CADPS2: variants seen among roughly 807,000 people sequenced by gnomAD.
The protein encoded by CADPS2 is calcium dependent secretion activator 2.
Under a neutral mutation model 172.5 loss-of-function variants are expected in CADPS2, and 93 were observed. The observed-to-expected ratio is 0.54, with a 90% confidence interval of 0.46 to 0.64. CADPS2 has a LOEUF of 0.64. CADPS2 is among the 30% of genes least tolerant of loss of function. The pLI is 0.00. For missense variants in CADPS2, 1,420 were observed against 1,565.9 expected (o/e 0.91, Z 1.57); for synonymous variants, 546 against 555.2 (o/e 0.98, Z 0.23).
At chr7:122,368,820 T>C (rs1476723654) in intron 25 of CADPS2, among the ~76,000 whole-genome samples, 1 of 152,102 alleles carries the variant, frequency 6.6e-6, no homozygotes. Context: ...GCAGGCTCCA[T>C]GCAGATATGT....
chr7:122,448,367 G>A (rs552025718), intron 15 of CADPS2, among the ~76,000 whole-genome samples: 3 of 152,156 alleles, frequency 2.0e-5, no homozygotes, highest in South Asian at 4.2e-4. Flanking sequence ...ACCTCCACCC[G>A]GTCCCACCCT....
intron 2 of CADPS2, among the ~76,000 whole-genome samples, chr7:122,709,141 A>T (rs1222699613): frequency 6.6e-6 from 1 of 152,068 alleles, no homozygotes; most frequent in Non-Finnish European, 1.5e-5. Context: ...CATTATTAAG[A>T]TCCAAGGATG....
intron 10 of CADPS2, among the ~76,000 whole-genome samples, chr7:122,490,733 G>A (rs2058206397): frequency 6.6e-6 from 1 of 151,910 alleles, no homozygotes; most frequent in Admixed American, 6.6e-5. Flanking sequence ...TGCATTTTAA[G>A]TGAACAATTA....
chr7:122,861,871 G>A (rs1486568203), intron 1 of CADPS2, among the ~76,000 whole-genome samples: 1 of 152,174 alleles, frequency 6.6e-6, no homozygotes. Context: ...CTTTTCATTA[G>A]CAACACTAGA....
chr7:122,813,284 A>T (rs911148544), intron 1 of CADPS2, among the ~76,000 whole-genome samples: 1 of 152,142 alleles, frequency 6.6e-6, no homozygotes, highest in African/African-American at 2.4e-5. Context: ...AAACATACTT[A>T]AAGCAAAATC....
At chr7:122,755,173 T>G (rs2093107573) in intron 1 of CADPS2, among the ~76,000 whole-genome samples, 1 of 152,322 alleles carries the variant, frequency 6.6e-6, no homozygotes, top group Admixed American at 6.5e-5. Flanking sequence ...TATATTCTAA[T>G]GATTCTTTCC....
intron 1 of CADPS2, among the ~76,000 whole-genome samples, chr7:122,819,282 A>G (rs1191803151): frequency 3.3e-5 from 5 of 152,070 alleles, no homozygotes; most frequent in South Asian, 2.1e-4. Context: ...GACCCCACTG[A>G]AAATCGGACT....
intron 1 of CADPS2, among the ~76,000 whole-genome samples, chr7:122,870,434 C>G (rs948666408): frequency 9.2e-5 from 14 of 151,736 alleles, no homozygotes; most frequent in Non-Finnish European, 1.9e-4. Context: ...TGCATAGAAA[C>G]AGAGTAGAAA....
At chr7:122,867,392 T>G (rs1451234056) in intron 1 of CADPS2, among the ~76,000 whole-genome samples, 1 of 152,136 alleles carries the variant, frequency 6.6e-6, no homozygotes, top group African/African-American at 2.4e-5. Flanking sequence ...GGAAATACCC[T>G]TGTCAAAATG....
chr7:122,769,770 G>C (rs907120702), intron 1 of CADPS2, among the ~76,000 whole-genome samples: 2 of 152,176 alleles, frequency 1.3e-5, no homozygotes, highest in Non-Finnish European at 2.9e-5. Context: ...ACACAGGTTT[G>C]AACCTACCAA....
chr7:122,676,861 G>C (rs1377352729), intron 2 of CADPS2: 3 of 504,326 alleles, frequency 5.9e-6, no homozygotes, highest in African/African-American at 2.0e-5. Flanking sequence ...AGGTCACTTT[G>C]TGTGCCCAAA....
At chr7:122,762,551 T>G (rs2093423105) in intron 1 of CADPS2, among the ~76,000 whole-genome samples, 1 of 152,160 alleles carries the variant, frequency 6.6e-6, no homozygotes, top group South Asian at 2.1e-4. Context: ...GCCATTAAAA[T>G]TCGTTACCCA....
At chr7:122,729,229 T>C (rs1282873187) in intron 2 of CADPS2, among the ~76,000 whole-genome samples, 1 of 151,866 alleles carries the variant, frequency 6.6e-6, no homozygotes, top group Non-Finnish European at 1.5e-5. Flanking sequence ...CAGTATTCCA[T>C]TGTGTATATA....
chr7:122,382,997 GAAAACAAAAACA>G (rs1380127564), intron 24 of CADPS2, among the ~76,000 whole-genome samples: 1 of 151,738 alleles, frequency 6.6e-6, no homozygotes, highest in Non-Finnish European at 1.5e-5. Flanking sequence ...CCAAACAAAC[GAAAACAAAAACA>G]AAAACAAAAA....
At chr7:122,350,582 T>C (rs959353033) in intron 27 of CADPS2, among the ~76,000 whole-genome samples, 2 of 152,238 alleles carry the variant, frequency 1.3e-5, no homozygotes, top group African/African-American at 4.8e-5. Context: ...AAGTAGATTA[T>C]ATTGTATTCC....
intron 1 of CADPS2, among the ~76,000 whole-genome samples, chr7:122,858,895 G>A (rs1462909207): frequency 6.6e-6 from 1 of 152,084 alleles, no homozygotes; most frequent in African/African-American, 2.4e-5. Flanking sequence ...AAAATAAGTT[G>A]CCAGTAAAAT....
At chr7:122,757,919 AACT>A (rs1269036048) in intron 1 of CADPS2, among the ~76,000 whole-genome samples, 2 of 151,946 alleles carry the variant, frequency 1.3e-5, no homozygotes, top group African/African-American at 4.8e-5. Flanking sequence ...GGGAAAAAAA[AACT>A]AACATCAACA....
chr7:122,770,288 G>C (rs543385167), intron 1 of CADPS2, among the ~76,000 whole-genome samples: 6 of 152,160 alleles, frequency 3.9e-5, no homozygotes, highest in African/African-American at 1.4e-4. Flanking sequence ...AATCATTGTA[G>C]TAAGTAGGAA....
intron 1 of CADPS2, among the ~76,000 whole-genome samples, chr7:122,765,311 C>G (rs897421633): frequency 6.6e-6 from 1 of 152,146 alleles, no homozygotes; most frequent in Non-Finnish European, 1.5e-5. Context: ...TATGCTTATA[C>G]TGCTTACTGC....
Sources: allele counts gnomAD v4.1 joint callset (sites outside exome capture counted in the v4.1 genomes callset), GRCh38; gene constraint gnomAD v4.1.1; transcripts MANE v1.5; gene names NCBI Gene and HGNC (gene_info 2026-07-23, HGNC 2026-07-21).